The following SLC24A2 variants were observed in gnomAD, a reference collection of about 807,000 sequenced individuals.
SLC24A2 encodes sodium/potassium/calcium exchanger 2.
SLC24A2 carries 36 observed loss-of-function variants against 62.0 expected under a neutral mutation model. That is an observed-to-expected ratio of 0.58 (90% CI 0.44 to 0.77). The LOEUF (loss-of-function observed/expected upper bound fraction) is 0.77, where lower values mean the gene tolerates loss of function less well. Among genes scored for constraint, SLC24A2 ranks in the 30% least tolerant of loss-of-function variants. The pLI is 0.00. For synonymous variants in SLC24A2, 358 were observed against 294.0 expected (o/e 1.22, Z -2.23); for missense variants, 846 against 817.9 (o/e 1.03, Z -0.42).
rs144180628 is a variant in SLC24A2, at chr9:19,692,495, T to C, written c.931-70196A>G. On this transcript the variant is annotated intron_variant, in intron 2 of 10. Transcript: ENST00000341998. ...AGTTTTTTTTGGTCTTTAAATTTCATGTTTAGCTTCACTGTGGATAAAATA... is the reference window on the plus strand; with the variant it reads ...AGTTTTTTTTGGTCTTTAAATTTCACGTTTAGCTTCACTGTGGATAAAATA... 5.9e-3 allele frequency among the ~76,000 whole-genome samples: 897 copies of C among 152,280 alleles called. 10 individuals are homozygous for C. Among genetic ancestry groups the C allele is most frequent in the African/African-American group, 0.02 (845 of 41,582 alleles).
At chr9:20,096,194 T>G in the SLC24A2 span, among the ~76,000 whole-genome samples, 1 of 152,160 alleles carries the variant, frequency 6.6e-6, no homozygotes, top group Non-Finnish European at 1.5e-5. Flanking sequence ...ATAATAGCAT[T>G]GTGAGACCAA....
chr9:20,121,619 G>C, the SLC24A2 span, among the ~76,000 whole-genome samples: 13 of 152,080 alleles, frequency 8.5e-5, no homozygotes, highest in Non-Finnish European at 1.5e-4. Flanking sequence ...CGTGTTATAA[G>C]TGCTTACCGG....
chr9:20,251,434 T>A, the SLC24A2 span, among the ~76,000 whole-genome samples: 1 of 152,186 alleles, frequency 6.6e-6, no homozygotes, highest in Non-Finnish European at 1.5e-5. Flanking sequence ...ACCAAAATAA[T>A]AGTCATAACT....
chr9:19,770,651 G>A (rs1218756994), intron 2 of SLC24A2, among the ~76,000 whole-genome samples: 2 of 152,094 alleles, frequency 1.3e-5, no homozygotes, highest in African/African-American at 4.8e-5. Context: ...TAAATGCATA[G>A]GTAACTTGTA....
the SLC24A2 span, among the ~76,000 whole-genome samples, chr9:20,205,316 T>C: frequency 4.3e-4 from 66 of 152,230 alleles, 1 homozygote; most frequent in African/African-American, 1.5e-3. Flanking sequence ...AATCTTTTCA[T>C]GGAATGCCAT....
chr9:19,788,871 C>T lies in SLC24A2; in HGVS notation c.-154+14G>A, dbSNP rs930604668. ...GGCTACAGCGGCAGGCGGGGCGCAG[C>T]CGCCCGCACTTACCAGGATAAGATG... On this transcript the variant is annotated intron_variant, in intron 1 of 10. Coordinates refer to ENST00000341998, the MANE Select transcript of SLC24A2 (RefSeq NM_020344.4). The T allele has an allele frequency of 3.0e-6, 3 of 985,306 alleles. No individual in the cohort carries two copies. Among genetic ancestry groups the T allele is most frequent in the Non-Finnish European group, 3.6e-6 (3 of 829,908 alleles). 61.0% of individuals were successfully genotyped at this position (985,306 alleles called of 1,614,324 possible). A position where few individuals can be genotyped will look rare whatever the true frequency, so the allele number is the denominator to read the frequency against.
At chr9:19,736,240 G>C (rs1038686490) in intron 2 of SLC24A2, among the ~76,000 whole-genome samples, 2 of 151,972 alleles carry the variant, frequency 1.3e-5, no homozygotes, top group African/African-American at 4.8e-5. Flanking sequence ...TTAATCCAAA[G>C]AGTAGCAAAA....
chr9:19,522,117 T>G (rs1833233950), intron 9 of SLC24A2, among the ~76,000 whole-genome samples: 1 of 152,206 alleles, frequency 6.6e-6, no homozygotes, highest in Non-Finnish European at 1.5e-5. Context: ...CAAGCGATCT[T>G]CCAACCTTAG....
At chr9:20,180,929 G>A in the SLC24A2 span, among the ~76,000 whole-genome samples, 8 of 152,080 alleles carry the variant, frequency 5.3e-5, no homozygotes, top group Non-Finnish European at 8.8e-5. Flanking sequence ...GCTTACAGTG[G>A]GCTCTGTCCT....
chr9:19,759,629 A>T (rs1409657012), intron 2 of SLC24A2, among the ~76,000 whole-genome samples: 2 of 152,102 alleles, frequency 1.3e-5, no homozygotes, highest in Non-Finnish European at 2.9e-5. Flanking sequence ...AGTAAAGAAT[A>T]CTCTAGTTGA....
chr9:19,676,348 G>A (rs1819559701), intron 2 of SLC24A2, among the ~76,000 whole-genome samples: 1 of 152,200 alleles, frequency 6.6e-6, no homozygotes, highest in Admixed American at 6.5e-5. Flanking sequence ...GTCTCCACAA[G>A]CTGCTCTGTC....
chr9:19,826,394 G>A, the SLC24A2 span, among the ~76,000 whole-genome samples: 8 of 152,082 alleles, frequency 5.3e-5, no homozygotes, highest in African/African-American at 1.7e-4. Flanking sequence ...GATCTTCTGG[G>A]ACTTGAGGTA....
chr9:19,706,005 G>A (rs1310167343), intron 2 of SLC24A2, among the ~76,000 whole-genome samples: 4 of 151,860 alleles, frequency 2.6e-5, no homozygotes, highest in African/African-American at 4.8e-5. Flanking sequence ...TTTCTGTCTC[G>A]TTGATCTGTC....
At chr9:20,068,548 C>T in the SLC24A2 span, among the ~76,000 whole-genome samples, 289 of 152,190 alleles carry the variant, frequency 1.9e-3, no homozygotes, top group Non-Finnish European at 3.4e-3. Flanking sequence ...AAAACTCTTG[C>T]CTCCTGAACA....
chr9:20,210,207 C>T, the SLC24A2 span, among the ~76,000 whole-genome samples: 1 of 152,150 alleles, frequency 6.6e-6, no homozygotes, highest in Non-Finnish European at 1.5e-5. Context: ...TTAACACCCG[C>T]ACCTACACAC....
the SLC24A2 span, among the ~76,000 whole-genome samples, chr9:19,855,435 C>T: frequency 6.6e-6 from 1 of 152,086 alleles, no homozygotes; most frequent in African/African-American, 2.4e-5. Context: ...AATGGTTTTT[C>T]CTTTCCATAT....
At chr9:19,871,596 G>A in the SLC24A2 span, among the ~76,000 whole-genome samples, 2 of 152,048 alleles carry the variant, frequency 1.3e-5, no homozygotes, top group African/African-American at 4.8e-5. Context: ...TTGTATATGT[G>A]TGTGTGCATG....
intron 7 of SLC24A2, among the ~76,000 whole-genome samples, chr9:19,552,716 C>T (rs1270597160): frequency 6.6e-6 from 1 of 152,172 alleles, no homozygotes. Context: ...CTTTATGACT[C>T]ATATCATTTT....
At chr9:19,818,678 C>T in the SLC24A2 span, among the ~76,000 whole-genome samples, 2 of 152,092 alleles carry the variant, frequency 1.3e-5, no homozygotes, top group Admixed American at 6.6e-5. Flanking sequence ...CTACAAAACA[C>T]TGCTGAAGGA....
Sources: gnomAD v4.1 joint callset for allele counts (sites outside exome capture counted in the v4.1 genomes callset) on GRCh38, gnomAD v4.1.1 for gene constraint, MANE v1.5 for transcripts, NCBI Gene and HGNC (gene_info 2026-07-23, HGNC 2026-07-21) for gene names.